NFATC3: variants seen among roughly 807,000 people sequenced by gnomAD.
NFATC3 encodes the protein nuclear factor of activated T-cells, cytoplasmic 3.
Under a neutral mutation model 98.6 loss-of-function variants are expected in NFATC3, and 46 were observed. That is an observed-to-expected ratio of 0.47 (90% CI 0.37 to 0.60). The LOEUF (loss-of-function observed/expected upper bound fraction) is 0.60, where lower values mean the gene tolerates loss of function less well. NFATC3 is among the 20% of genes least tolerant of loss of function. The pLI, the probability that NFATC3 is intolerant of heterozygous loss-of-function variation, is 0.00. For synonymous variants in NFATC3, 512 were observed against 472.2 expected, an observed-to-expected ratio of 1.08 and a Z score of -1.09; for missense variants, 1,256 against 1,295.5, an observed-to-expected ratio of 0.97 and a Z score of 0.47.
At chr16:68,162,113 C>T (rs750911090) in intron 4 of NFATC3, among the ~76,000 whole-genome samples, 4 of 152,150 alleles carry the variant, frequency 2.6e-5, no homozygotes, top group Non-Finnish European at 4.4e-5. Context: ...CACACACATA[C>T]CTAAAACTTC....
intron 8 of NFATC3, among the ~76,000 whole-genome samples, chr16:68,184,086 A>G (rs1196618083): frequency 6.6e-6 from 1 of 151,944 alleles, no homozygotes; most frequent in African/African-American, 2.4e-5. Context: ...CATTTTCCTC[A>G]TATTTCTTTT....
chr16:68,163,278 C>T (rs868235242), intron 4 of NFATC3, among the ~76,000 whole-genome samples: 3 of 151,980 alleles, frequency 2.0e-5, no homozygotes, highest in Middle Eastern at 3.4e-3. Context: ...GGGTGGTGGC[C>T]GGGCAGAGGG....
chr16:68,122,355 C>T lies in NFATC3; in HGVS notation c.472C>T (p.Arg158Trp), dbSNP rs780357844. 9.3e-5 allele frequency: 150 copies of T among 1,613,980 alleles called. 1 individual carries two copies. The highest frequency in any genetic ancestry group is 4.9e-4 in the Middle Eastern group (3 of 6,084). ...HLYLPLEPSY[R>W]ESSLSPSPAS... is the part of the protein sequence containing the mutation. ...CTATCTTCCTCTTGAGCCATCCTAC[C>T]GGGAGTCTTCTCTTAGTCCTAGTCC... The change falls in exon 2 of 10, where the codon CGG (arginine) becomes TGG (tryptophan). Residue 158 changes from arginine (R) to tryptophan (W), a missense_variant. Arg to Trp is a moderately radical substitution (Grantham distance 101, BLOSUM62 -3). Transcript: ENST00000346183.
chr16:68,154,595 A>T (rs2038512085), intron 3 of NFATC3, among the ~76,000 whole-genome samples: 1 of 152,184 alleles, frequency 6.6e-6, no homozygotes, highest in Non-Finnish European at 1.5e-5. Flanking sequence ...CTCAGATATT[A>T]TATTTTAAAT....
intron 3 of NFATC3, among the ~76,000 whole-genome samples, chr16:68,146,971 T>A (rs1490925280): frequency 1.3e-5 from 2 of 152,252 alleles, no homozygotes; most frequent in African/African-American, 4.8e-5. Context: ...ATTAGTTTAT[T>A]TGATCTTCCT....
chr16:68,218,804 C>T (rs1014329507), intron 9 of NFATC3, among the ~76,000 whole-genome samples: 12 of 151,362 alleles, frequency 7.9e-5, no homozygotes, highest in African/African-American at 2.9e-4. Context: ...AATCTCCTGA[C>T]CTCATGATCC....
intron 1 of NFATC3, among the ~76,000 whole-genome samples, chr16:68,100,489 G>T (rs112449120): frequency 0.046 from 7,052 of 151,994 alleles, 518 homozygotes; most frequent in African/African-American, 0.16. Flanking sequence ...ATGAGAAATC[G>T]CTTGAACCCT....
At chr16:68,179,955 G>A (rs2039883952) in intron 6 of NFATC3, among the ~76,000 whole-genome samples, 1 of 152,178 alleles carries the variant, frequency 6.6e-6, no homozygotes, top group Non-Finnish European at 1.5e-5. Context: ...CATACTTATT[G>A]TGAGAGTCAG....
intron 5 of NFATC3, among the ~76,000 whole-genome samples, chr16:68,169,755 A>G (rs1304804521): frequency 1.3e-5 from 2 of 152,080 alleles, no homozygotes; most frequent in Non-Finnish European, 2.9e-5. Context: ...AGCCTGGCCA[A>G]CATGGTGAAA....
At chr16:68,115,448 T>A (rs1334417036) in intron 1 of NFATC3, among the ~76,000 whole-genome samples, 1 of 151,762 alleles carries the variant, frequency 6.6e-6, no homozygotes, top group Non-Finnish European at 1.5e-5. Context: ...AGAGACGGAG[T>A]CTTGCTCTTG....
intron 3 of NFATC3, among the ~76,000 whole-genome samples, chr16:68,154,868 T>C (rs1340924284): frequency 6.6e-6 from 1 of 152,180 alleles, no homozygotes; most frequent in Non-Finnish European, 1.5e-5. Flanking sequence ...GTTCTAAATG[T>C]GGAGGGAAGC....
rs1489772725 is a variant in NFATC3 at position 68,191,359 on chromosome 16, C to T, written c.2690C>T (p.Pro897Leu). Reference sequence around the variant, plus strand: ...ACAGGACAAAGATCTCTTTCTTCTCCAGTGGCTGACCAGATTACAGGTCAG... The same window carrying T: ...ACAGGACAAAGATCTCTTTCTTCTCTAGTGGCTGACCAGATTACAGGTCAG... ...SNTGQRSLSS[P>L]VADQITGQPS... The change falls in exon 9 of 10, where the codon CCA (proline) becomes CTA (leucine). Residue 897 changes from proline (P) to leucine (L), a missense_variant. Pro to Leu is a moderately conservative substitution (Grantham distance 98, BLOSUM62 -3). This residue lies in a region of NFATC3 where 636 missense variants were observed against 617.3 expected (regional missense o/e 1.03). Transcript: ENST00000346183. 1 of 1,614,152 alleles carries T rather than the reference C, an allele frequency of 6.2e-7. No individual in the cohort carries two copies. The highest frequency in any genetic ancestry group is 1.7e-5 in the Admixed American group (1 of 60,010).
chr16:68,137,438 G>A (rs555885354), intron 3 of NFATC3, among the ~76,000 whole-genome samples: 2 of 152,078 alleles, frequency 1.3e-5, no homozygotes, highest in East Asian at 1.9e-4. Context: ...GTCATTTACC[G>A]AACCACTGTT....
In NFATC3 at chr16:68,091,613, A is replaced by G. The variant is rs564256561; in HGVS notation, c.103+5829A>G. ...GAGTAGTAGATAATTCAGTATGGTA[A>G]TGTTTTGTTTTAAATAAGAGGTGAG... is the stretch of plus-strand genomic sequence containing the variant. On this transcript the variant is annotated intron_variant, in intron 1 of 9. Coordinates refer to ENST00000346183, the MANE Select transcript of NFATC3 (RefSeq NM_173165.3). Among the ~76,000 whole-genome samples the G allele has an allele frequency of 4.6e-5, 7 of 152,288 alleles. No homozygotes were observed. In the South Asian group the frequency reaches 6.2e-4, roughly 14 times the overall value.
At chr16:68,112,657 T>C (rs1237398591) in intron 1 of NFATC3, among the ~76,000 whole-genome samples, 2 of 135,962 alleles carry the variant, frequency 1.5e-5, no homozygotes, top group Non-Finnish European at 3.2e-5. Context: ...TTTTTTTTTT[T>C]TTTTTTTTTT....
chr16:68,220,690 G>A (rs1474782840), intron 9 of NFATC3, among the ~76,000 whole-genome samples: 1 of 147,758 alleles, frequency 6.8e-6, no homozygotes, highest in Non-Finnish European at 1.5e-5. Context: ...GGTGGATCAC[G>A]AGGTCAGGAG....
chr16:68,123,891 G>A (rs977513724), intron 2 of NFATC3, among the ~76,000 whole-genome samples: 5 of 151,774 alleles, frequency 3.3e-5, no homozygotes, highest in South Asian at 2.1e-4. Flanking sequence ...AGGCTGAGGC[G>A]GGAGCATTGC....
At chr16:68,206,177 T>G (rs2041136275) in intron 9 of NFATC3, among the ~76,000 whole-genome samples, 1 of 152,212 alleles carries the variant, frequency 6.6e-6, no homozygotes, top group Non-Finnish European at 1.5e-5. Flanking sequence ...AAGTTAATGG[T>G]TAGAGCTGTG....
In NFATC3 at chr16:68,085,706, C is replaced by CACG; in HGVS notation, c.30_32dup (p.Asp10dup). 4.6e-6 allele frequency: 7 copies of CACG among 1,515,594 alleles called. No homozygotes were observed. The highest frequency in any genetic ancestry group is 5.3e-6 in the Non-Finnish European group (6 of 1,133,840). The allele number at this position is 1,515,594 out of a possible 1,614,324, so 93.9% of individuals were successfully genotyped here. A position where few individuals can be genotyped will look rare whatever the true frequency, so the allele number is the denominator to read the frequency against. On this transcript the variant is annotated inframe_insertion, in exon 1 of 10. Transcript: ENST00000346183. ...GATGACTACTGCAAACTGTGGCGCC[C>CACG]ACGACGAGCTCGACTTCAAACTCGT...
Sources: gnomAD v4.1 joint callset for allele counts (sites outside exome capture counted in the v4.1 genomes callset) on GRCh38, gnomAD v4.1.1 for gene constraint, gnomAD v4.1.1 regional missense constraint, MANE v1.5 for transcripts, NCBI Gene and HGNC (gene_info 2026-07-23, HGNC 2026-07-21) for gene names.